Variants in UHMK1 observed in about 807,000 individuals in gnomAD.
UHMK1 encodes serine/threonine-protein kinase Kist.
In UHMK1, 18 loss-of-function variants were observed where a neutral mutation model predicts 44.0. The ratio of observed to expected loss-of-function variants is 0.41; its 90% CI spans 0.28 to 0.61. UHMK1 has a LOEUF of 0.61. Ranked by LOEUF, UHMK1 falls within the 20% of genes least tolerant of loss-of-function variation. The probability of loss-of-function intolerance (pLI) is 0.31; values close to 1 mark genes in which losing one functional copy is unlikely to be tolerated. For missense variants in UHMK1, 463 were observed against 522.5 expected (o/e 0.89, Z 1.11); for synonymous variants, 231 against 198.5 (o/e 1.16, Z -1.38).
rs2101668994 is a variant in UHMK1 at position 162,500,944 on chromosome 1, G to A, written c.593G>A (p.Arg198Gln). 6.2e-7 allele frequency: 1 copy of A among 1,613,902 alleles called. No homozygotes were observed. The highest frequency in any genetic ancestry group is 1.3e-5 in the African/African-American group (1 of 75,004). The change falls in exon 3 of 8, where the codon CGG (arginine) becomes CAG (glutamine). Residue 198 changes from arginine (R) to glutamine (Q), a missense_variant. Around this residue, in one of 3 missense-constraint regions of UHMK1, gnomAD observed 264 missense variants for 326.3 expected, o/e 0.81. Coordinates refer to ENST00000489294, the MANE Select transcript of UHMK1 (RefSeq NM_175866.5). Reference protein sequence around the residue: ...DVKYIQTDGYRAPEAELQNCL... With the variant: ...DVKYIQTDGYQAPEAELQNCL... The stretch of plus-strand genomic sequence containing the variant: ...AAGTATATTCAGACAGACGGGTATC[G>A]GGCTCCAGAAGCAGAATTGCAAAAT...
At position 162,497,929 on chromosome 1, in the gene UHMK1, G is replaced by A. The variant is rs1571000576; in HGVS notation, c.-72G>A. On this transcript the variant is annotated 5_prime_UTR_variant, in exon 1 of 8. It adds an upstream start codon to the 5' untranslated region. Coordinates refer to ENST00000489294, the MANE Select transcript of UHMK1 (RefSeq NM_175866.5). ...AGCCGCTGGTCCGGCTGGCGGAGAT[G>A]TGACCGCGGGCCCGGCCGGCCTGCC... is the stretch of plus-strand genomic sequence containing the variant. 1.4e-6 allele frequency: 2 copies of A among 1,434,084 alleles called. No individual in the cohort carries two copies. Among genetic ancestry groups the A allele is most frequent in the East Asian group, 2.7e-5 (1 of 37,228 alleles). 88.8% of individuals were successfully genotyped at this position (1,434,084 alleles called of 1,614,324 possible). A position where few individuals can be genotyped will look rare whatever the true frequency, so the allele number is the denominator to read the frequency against.
At chr1:162,512,369 GTGAA>G (rs1651696649) in intron 4 of UHMK1, 127 bp from the exon 5 acceptor site, 1 of 710,068 alleles carries the variant, frequency 1.4e-6, no homozygotes. Flanking sequence ...GTATTTATAA[GTGAA>G]TGATTCAATA....
chr1:162,508,854 T>C (rs1183074283), intron 4 of UHMK1, among the ~76,000 whole-genome samples: 1 of 152,150 alleles, frequency 6.6e-6, no homozygotes, highest in Non-Finnish European at 1.5e-5. Flanking sequence ...TGACCCAGGC[T>C]AGAGTGCCAT....
rs1484255481 is a variant in UHMK1 at position 162,512,384 on chromosome 1, A to C, written c.849-116A>C. 8.6e-6 allele frequency: 7 copies of C among 813,018 alleles called. No individual in the cohort carries two copies. In the East Asian group the frequency reaches 1.5e-4, roughly 17 times the overall value. The allele number at this position is 813,018 out of a possible 1,614,324, so 50.4% of individuals were successfully genotyped here. ...GTATTTATAAGTGAATGATTCAATAAATCATGCTAATATAATTAATGCTGT... is the reference window on the plus strand; with the variant it reads ...GTATTTATAAGTGAATGATTCAATACATCATGCTAATATAATTAATGCTGT... On this transcript the variant is annotated intron_variant, in intron 4 of 7. Coordinates refer to ENST00000489294, the MANE Select transcript of UHMK1 (RefSeq NM_175866.5).
At chr1:162,508,304 G>A (rs1242901566) in intron 4 of UHMK1, among the ~76,000 whole-genome samples, 2 of 151,948 alleles carry the variant, frequency 1.3e-5, no homozygotes, top group Non-Finnish European at 1.5e-5. Context: ...TAGAGACAAG[G>A]TTTCACCATG....
intron 6 of UHMK1, among the ~76,000 whole-genome samples, chr1:162,515,777 G>A (rs1160088639): frequency 1.3e-5 from 2 of 152,170 alleles, no homozygotes; most frequent in Non-Finnish European, 2.9e-5. Context: ...GCTCATGCCT[G>A]TAATCCTAGC....
chr1:162,499,829 A>G, intron 1 of UHMK1, 126 bp from the exon 2 acceptor site: 1 of 836,234 alleles, frequency 1.2e-6, no homozygotes, highest in East Asian at 2.7e-5. Flanking sequence ...AAAATAAATT[A>G]CAGTGGAAGC....
At position 162,526,115 on chromosome 1, in the gene UHMK1, G is replaced by A. The variant is rs563670491; in HGVS notation, c.*3565G>A. The stretch of plus-strand genomic sequence containing the variant: ...CAGTTACTTTTCTGGAATAAAAGGC[G>A]GAGTTAGAGCACTTATCAGATGCTG... On this transcript the variant is annotated 3_prime_UTR_variant, in exon 8 of 8. Coordinates refer to ENST00000489294, the MANE Select transcript of UHMK1 (RefSeq NM_175866.5). 3.3e-5 allele frequency: 5 copies of A among 152,072 alleles called. No homozygotes were observed. Among genetic ancestry groups the A allele is most frequent in the South Asian group, 2.1e-4 (1 of 4,822 alleles). 9.4% of individuals were successfully genotyped at this position (152,072 alleles called of 1,614,324 possible).
intron 6 of UHMK1, 84 bp downstream of exon 6, chr1:162,512,907 C>T (rs1348974814): frequency 2.0e-5 from 26 of 1,278,590 alleles, no homozygotes; most frequent in Non-Finnish European, 2.9e-5. Flanking sequence ...TCATATTTCT[C>T]AATTTATCTA....
chr1:162,497,243 G>T, upstream of UHMK1: 1 of 701,930 alleles, frequency 1.4e-6, no homozygotes, highest in Non-Finnish European at 2.6e-6. Context: ...CAAGAAAATA[G>T]ATTGTAAATG....
rs571580728 is a variant in UHMK1, at chr1:162,518,275, C to T, written c.1113+85C>T. On this transcript the variant is annotated intron_variant, in intron 7 of 7. Coordinates refer to ENST00000489294, the MANE Select transcript of UHMK1 (RefSeq NM_175866.5). ...TGTTTTAGTTCTGTAGGAAGATGTACAACAAAATTTTGCTAAGGATTATGA... is the reference window on the plus strand; with the variant it reads ...TGTTTTAGTTCTGTAGGAAGATGTATAACAAAATTTTGCTAAGGATTATGA... 1.8e-4 allele frequency: 181 copies of T among 980,210 alleles called. No individual in the cohort carries two copies. The African/African-American group carries it at 2.6e-3, about 14-fold the overall frequency. 60.7% of individuals were successfully genotyped at this position (980,210 alleles called of 1,614,324 possible).
chr1:162,512,709 T>G lies in UHMK1; in HGVS notation c.926-16T>G. ...GGGGGATTTACATTTAACCATATTA[T>G]GATGAATTTTAACAGCCCCTCATAT... On this transcript the variant is annotated splice_polypyrimidine_tract_variant and intron_variant, in intron 5 of 7. Coordinates refer to ENST00000489294, the MANE Select transcript of UHMK1 (RefSeq NM_175866.5). The G allele has an allele frequency of 6.2e-7, 1 of 1,613,410 alleles. No homozygotes were observed. The highest frequency in any genetic ancestry group is 8.5e-7 in the Non-Finnish European group (1 of 1,179,558).
Position 162,498,173 on chromosome 1 carries a change from C to G in UHMK1, c.173C>G (p.Pro58Arg). 1 of 1,613,086 alleles carries G rather than the reference C, an allele frequency of 6.2e-7. No homozygotes were observed. The highest frequency in any genetic ancestry group is 1.1e-5 in the South Asian group (1 of 90,992). Residue 58 changes from proline (P) to arginine (R), a missense_variant, in exon 1 of 8, where the codon CCG becomes CGG. Around this residue, in one of 3 missense-constraint regions of UHMK1, gnomAD observed 191 missense variants for 176.0 expected, o/e 1.09. Coordinates refer to ENST00000489294, the MANE Select transcript of UHMK1 (RefSeq NM_175866.5). ...SPPGALKQFL[P>R]PGTTGAAASA... ...CCCGGCGCCCTCAAGCAGTTCTTGC[C>G]GCCAGGAACCACCGGGGCTGCGGCC...
At chr1:162,501,957 A>G (rs1216665197) in intron 3 of UHMK1, among the ~76,000 whole-genome samples, 2 of 151,306 alleles carry the variant, frequency 1.3e-5, no homozygotes, top group Admixed American at 1.3e-4. Flanking sequence ...TATAAAAGGT[A>G]TTTTAATACT....
At chr1:162,514,405 A>G (rs1316785920) in intron 6 of UHMK1, among the ~76,000 whole-genome samples, 1 of 152,244 alleles carries the variant, frequency 6.6e-6, no homozygotes, top group Non-Finnish European at 1.5e-5. Flanking sequence ...AAATGGAGAT[A>G]ATAAATAGTA....
In UHMK1 at chr1:162,527,201, T is replaced by C. The variant is rs1288473855; in HGVS notation, c.*4651T>C. ...TTAGGATAGCTTCTCTGCCTAATAC[T>C]ATAGGATATGTCATGTTCGTTATTG... On this transcript the variant is annotated 3_prime_UTR_variant, in exon 8 of 8. Coordinates refer to ENST00000489294, the MANE Select transcript of UHMK1 (RefSeq NM_175866.5). 1.3e-5 allele frequency: 2 copies of C among 152,168 alleles called. No individual in the cohort carries two copies. The highest frequency in any genetic ancestry group is 2.1e-4 in the South Asian group (1 of 4,834). The allele number at this position is 152,168 out of a possible 1,614,324, so 9.4% of individuals were successfully genotyped here.
intron 4 of UHMK1, among the ~76,000 whole-genome samples, chr1:162,510,788 C>T (rs1651637873): frequency 6.6e-6 from 1 of 151,982 alleles, no homozygotes; most frequent in Non-Finnish European, 1.5e-5. Flanking sequence ...CTACAGGTAT[C>T]TCTTCATCAT....
chr1:162,520,698 AAAG>A (rs1272446140), intron 7 of UHMK1, among the ~76,000 whole-genome samples: 1 of 152,190 alleles, frequency 6.6e-6, no homozygotes, highest in African/African-American at 2.4e-5. Context: ...GCAGAGTGAG[AAAG>A]AAGAATAGTA....
chr1:162,507,220 A>G (rs993411923), intron 4 of UHMK1, among the ~76,000 whole-genome samples: 1 of 151,352 alleles, frequency 6.6e-6, no homozygotes, highest in African/African-American at 2.4e-5. Flanking sequence ...CCTGGGTTCA[A>G]GCAATTCTCC....
Sources: allele counts gnomAD v4.1 joint callset (sites outside exome capture counted in the v4.1 genomes callset), GRCh38; gene constraint gnomAD v4.1.1; regional missense constraint gnomAD v4.1.1; transcripts MANE v1.5; gene names NCBI Gene and HGNC (gene_info 2026-07-23, HGNC 2026-07-21).